ZNRF3: variants seen among roughly 807,000 people sequenced by gnomAD.
ZNRF3 encodes the protein E3 ubiquitin-protein ligase ZNRF3.
ZNRF3 carries 23 observed loss-of-function variants against 72.5 expected under a neutral mutation model. That is an observed-to-expected ratio of 0.32 (90% CI 0.23 to 0.45). The LOEUF is 0.45. Ranked by LOEUF, ZNRF3 falls within the 20% of genes least tolerant of loss-of-function variation. The pLI, the probability that ZNRF3 is intolerant of heterozygous loss-of-function variation, is 1.00. For missense variants in ZNRF3, 1,169 were observed against 1,272.1 expected, an observed-to-expected ratio of 0.92 and a Z score of 1.23; for synonymous variants, 610 against 545.3, an observed-to-expected ratio of 1.12 and a Z score of -1.65.
At chr22:28,925,558 C>A (rs1026980073) in intron 1 of ZNRF3, among the ~76,000 whole-genome samples, 2 of 152,152 alleles carry the variant, frequency 1.3e-5, no homozygotes, top group Admixed American at 6.5e-5. Flanking sequence ...TCTGTAAAAG[C>A]ACCCCCCAAT....
chr22:28,947,737 A>C (rs982905824), intron 1 of ZNRF3, among the ~76,000 whole-genome samples: 3 of 152,266 alleles, frequency 2.0e-5, no homozygotes, highest in African/African-American at 7.2e-5. Context: ...TCATAAGGGT[A>C]GTTACACTTT....
At chr22:28,985,855 C>G (rs989039193) in intron 1 of ZNRF3, among the ~76,000 whole-genome samples, 1 of 152,218 alleles carries the variant, frequency 6.6e-6, no homozygotes, top group Non-Finnish European at 1.5e-5. Context: ...TTCTGGAGGT[C>G]AGAAGTCCCA....
At chr22:28,949,574 G>T (rs1293307293) in intron 1 of ZNRF3, among the ~76,000 whole-genome samples, 1 of 152,114 alleles carries the variant, frequency 6.6e-6, no homozygotes, top group Non-Finnish European at 1.5e-5. Flanking sequence ...CACTGTGCCC[G>T]GCCAAAAATT....
intron 1 of ZNRF3, among the ~76,000 whole-genome samples, chr22:28,942,610 G>T (rs951872607): frequency 6.6e-6 from 1 of 152,120 alleles, no homozygotes; most frequent in Non-Finnish European, 1.5e-5. Flanking sequence ...ATTCTCTAGC[G>T]GTCTCTTACC....
Position 29,050,889 on chromosome 22 carries a change from A to G in ZNRF3, c.2708A>G (p.Asn903Ser), listed in dbSNP as rs941671026. 6.3e-7 allele frequency: 1 copy of G among 1,582,780 alleles called. No homozygotes were observed. Among genetic ancestry groups the G allele is most frequent in the East Asian group, 2.2e-5 (1 of 44,734 alleles). ...PPEEAGAVRA[N>S]FPSALQDTQE... The stretch of plus-strand genomic sequence containing the variant: ...GAGGAGGCGGGTGCTGTCAGGGCCA[A>G]CTTCCCTAGTGCCCTCCAGGACACT... The change falls in exon 8 of 9, where the codon AAC (asparagine) becomes AGC (serine). Residue 903 changes from asparagine to serine, a missense_variant. Transcript: ENST00000544604.
intron 1 of ZNRF3, among the ~76,000 whole-genome samples, chr22:28,950,443 G>A (rs8138046): frequency 6.5e-4 from 99 of 152,302 alleles, no homozygotes; most frequent in African/African-American, 2.3e-3. Flanking sequence ...ACCTTGTTGC[G>A]TTGTTCTTTC....
chr22:29,005,833 C>G (rs535751701), intron 2 of ZNRF3, among the ~76,000 whole-genome samples: 1 of 152,142 alleles, frequency 6.6e-6, no homozygotes, highest in Admixed American at 6.5e-5. Flanking sequence ...GTCGGGAGTT[C>G]AAGACCAGCC....
intron 1 of ZNRF3, among the ~76,000 whole-genome samples, chr22:28,909,570 G>T (rs1302932203): frequency 6.6e-6 from 1 of 151,728 alleles, no homozygotes; most frequent in East Asian, 1.9e-4. Context: ...CCTTCCTTTA[G>T]CCCACATACT....
At chr22:28,936,081 G>A (rs1254344169) in intron 1 of ZNRF3, among the ~76,000 whole-genome samples, 1 of 152,156 alleles carries the variant, frequency 6.6e-6, no homozygotes, top group Admixed American at 6.6e-5. Context: ...CTCTGAGTCA[G>A]TTGGTCACTC....
chr22:28,969,053 G>A (rs1454999071), intron 1 of ZNRF3, among the ~76,000 whole-genome samples: 1 of 152,160 alleles, frequency 6.6e-6, no homozygotes, highest in East Asian at 1.9e-4. Context: ...GATTGTACAT[G>A]CTTCTTCGTA....
intron 1 of ZNRF3, among the ~76,000 whole-genome samples, chr22:28,894,042 A>T (rs1276870198): frequency 6.6e-6 from 1 of 152,040 alleles, no homozygotes; most frequent in Non-Finnish European, 1.5e-5. Flanking sequence ...TGCAGCTTGA[A>T]ATCTCAGGCT....
At chr22:28,913,425 A>G (rs2034354455) in intron 1 of ZNRF3, among the ~76,000 whole-genome samples, 3 of 152,028 alleles carry the variant, frequency 2.0e-5, no homozygotes, top group African/African-American at 7.2e-5. Context: ...AGTGGCGGGT[A>G]GCCAGTATTA....
At chr22:28,895,500 T>A (rs2033974952) in intron 1 of ZNRF3, among the ~76,000 whole-genome samples, 1 of 152,078 alleles carries the variant, frequency 6.6e-6, no homozygotes, top group Middle Eastern at 3.2e-3. Context: ...ACCCCGTCTC[T>A]ACTAAAAATA....
intron 1 of ZNRF3, among the ~76,000 whole-genome samples, chr22:28,941,117 G>T (rs2034938413): frequency 6.6e-6 from 1 of 152,122 alleles, no homozygotes; most frequent in African/African-American, 2.4e-5. Flanking sequence ...AGAAGAGTAG[G>T]GTAGGGGACT....
chr22:28,906,985 C>CTTTTTT (rs1367720454), intron 1 of ZNRF3, among the ~76,000 whole-genome samples: 1 of 140,424 alleles, frequency 7.1e-6, no homozygotes, highest in Non-Finnish European at 1.6e-5. Flanking sequence ...TTCTTTCTTT[C>CTTTTTT]TTTTTTTTTT....
intron 1 of ZNRF3, among the ~76,000 whole-genome samples, chr22:28,893,812 T>C (rs1335377493): frequency 2.6e-5 from 4 of 151,628 alleles, no homozygotes; most frequent in Admixed American, 2.6e-4. Flanking sequence ...TTGGTTATTT[T>C]CATAAGATTT....
intron 1 of ZNRF3, among the ~76,000 whole-genome samples, chr22:28,890,136 T>G (rs1236405591): frequency 3.9e-5 from 6 of 152,242 alleles, no homozygotes; most frequent in African/African-American, 1.4e-4. Flanking sequence ...TTCCAGAAAC[T>G]TGCTTGGATG....
rs142573674 is a variant in ZNRF3 at position 28,999,994 on chromosome 22, A to G, written c.426+12793A>G. On this transcript the variant is annotated intron_variant, in intron 2 of 8. Coordinates refer to ENST00000544604, the MANE Select transcript of ZNRF3 (RefSeq NM_001206998.2). ...TGTGTTTCCAAAAGCACCATATTTT[A>G]TTTGATAAAAGGTACAGGGGACCAT... Among the ~76,000 whole-genome samples, 458 of 152,272 alleles carry G rather than the reference A, an allele frequency of 3.0e-3. 1 individual carries two copies. Among genetic ancestry groups the G allele is most frequent in the African/African-American group, 0.01 (429 of 41,564 alleles).
At chr22:28,928,384 A>C (rs2034640612) in intron 1 of ZNRF3, among the ~76,000 whole-genome samples, 1 of 152,110 alleles carries the variant, frequency 6.6e-6, no homozygotes, top group Admixed American at 6.5e-5. Context: ...TTAGTACTCC[A>C]ACATATATAC....
Sources: gnomAD v4.1 joint callset for allele counts (sites outside exome capture counted in the v4.1 genomes callset) on GRCh38, gnomAD v4.1.1 for gene constraint, MANE v1.5 for transcripts, NCBI Gene and HGNC (gene_info 2026-07-23, HGNC 2026-07-21) for gene names.